The following PGAP3 variants were observed in gnomAD, a reference collection of about 807,000 sequenced individuals.
PGAP3 encodes the protein GPI-specific phospholipase A2-like PGAP3.
PGAP3 carries 31 observed loss-of-function variants against 40.3 expected under a neutral mutation model. The ratio of observed to expected loss-of-function variants is 0.77; its 90% CI spans 0.58 to 1.04. The LOEUF is 1.04. PGAP3 is among the 50% of genes least tolerant of loss of function. The probability of loss-of-function intolerance (pLI) is 0.00; values close to 1 mark genes in which losing one functional copy is unlikely to be tolerated. For missense variants in PGAP3, 413 were observed against 423.0 expected, an observed-to-expected ratio of 0.98 and a Z score of 0.21; for synonymous variants, 191 against 184.5, an observed-to-expected ratio of 1.04 and a Z score of -0.29.
intron 1 of PGAP3, among the ~76,000 whole-genome samples, chr17:39,687,189 TTAC>T (rs1409014129): frequency 3.9e-5 from 6 of 152,184 alleles, no homozygotes; most frequent in Non-Finnish European, 7.4e-5. Flanking sequence ...AAACTCCACT[TTAC>T]TACATACTGG....
Position 39,673,491 on chromosome 17 carries a change from GCCCAAGCCC to G in PGAP3, c.694+14_694+22del, listed in dbSNP as rs2057336125. ...CCCCAAGCTAGCACTTCTGCAGATGGCCCAAGCCCCCCAGGGCCTCACCAATAGCCACGT... is the reference window on the plus strand; with the variant it reads ...CCCCAAGCTAGCACTTCTGCAGATGGCCCAGGGCCTCACCAATAGCCACGT... On this transcript the variant is annotated intron_variant, in intron 6 of 7. Coordinates refer to ENST00000300658, the MANE Select transcript of PGAP3 (RefSeq NM_033419.5). 1 of 1,613,710 alleles carries G rather than the reference GCCCAAGCCC, an allele frequency of 6.2e-7. No individual in the cohort carries two copies. Among genetic ancestry groups the G allele is most frequent in the African/African-American group, 1.3e-5 (1 of 74,896 alleles).
chr17:39,683,619 G>C (rs551518795), intron 3 of PGAP3, among the ~76,000 whole-genome samples: 1 of 152,228 alleles, frequency 6.6e-6, no homozygotes, highest in African/African-American at 2.4e-5. Flanking sequence ...GGCTTACAGG[G>C]GCAGCTCCGA....
At position 39,679,450 on chromosome 17, in the gene PGAP3, T is replaced by C. The variant is rs113179840; in HGVS notation, c.433-4771A>G. Among the ~76,000 whole-genome samples, 1,274 of 152,280 alleles carry C rather than the reference T, an allele frequency of 8.4e-3. 9 individuals are homozygous for C. Among genetic ancestry groups the C allele is most frequent in the African/African-American group, 0.026 (1,083 of 41,552 alleles). On this transcript the variant is annotated intron_variant, in intron 3 of 7. Coordinates refer to ENST00000300658, the MANE Select transcript of PGAP3 (RefSeq NM_033419.5). ...AAAGACAAGGGGTGGGACCCTCCGATCTAAGAAGGCTCTAAGCTTCTTCAG... is the reference window on the plus strand; with the variant it reads ...AAAGACAAGGGGTGGGACCCTCCGACCTAAGAAGGCTCTAAGCTTCTTCAG...
intron 6 of PGAP3, 61 bp from the exon 7 acceptor site, chr17:39,673,316 C>T (rs1350825203): frequency 9.6e-6 from 15 of 1,559,134 alleles, no homozygotes; most frequent in South Asian, 2.3e-5. Flanking sequence ...CAAGGCCACC[C>T]CCAACTCCAT....
intron 3 of PGAP3, among the ~76,000 whole-genome samples, chr17:39,678,565 A>C (rs1272060991): frequency 6.6e-6 from 1 of 152,168 alleles, no homozygotes; most frequent in Non-Finnish European, 1.5e-5. Flanking sequence ...GGGTCTCCTC[A>C]TTTCCCAGAG....
Position 39,673,172 on chromosome 17 carries a change from C to A in PGAP3, c.778G>T (p.Val260Phe), listed in dbSNP as rs1200178154. Residue 260 changes from valine (V) to phenylalanine (F), a missense_variant, in exon 7 of 8, where the codon GTC becomes TTC. Coordinates refer to ENST00000300658, the MANE Select transcript of PGAP3 (RefSeq NM_033419.5). ...LPHVRKCVVV[V>F]LLLQGLSLLE... The stretch of plus-strand genomic sequence containing the variant: ...AGGGACAGCCCCTGCAGCAGCAAGA[C>A]CACCACCACGCACTTGCGCACGTGA... 6.3e-7 allele frequency: 1 copy of A among 1,587,206 alleles called. No individual in the cohort carries two copies. The highest frequency in any genetic ancestry group is 8.6e-7 in the Non-Finnish European group (1 of 1,167,366).
At chr17:39,673,363 C>T in intron 6 of PGAP3, 108 bp from the exon 7 acceptor site, 1 of 1,547,478 alleles carries the variant, frequency 6.5e-7, no homozygotes, top group Non-Finnish European at 8.8e-7. Context: ...GACTCTCCTC[C>T]CAGCCTCCTC....
At chr17:39,682,906 A>G (rs1254730791) in intron 3 of PGAP3, among the ~76,000 whole-genome samples, 49 of 151,908 alleles carry the variant, frequency 3.2e-4, no homozygotes, top group Non-Finnish European at 4.4e-5. Context: ...GTGAAACCCC[A>G]TCTCTACTAA....
chr17:39,673,408 C>T (rs2057335124), intron 6 of PGAP3, 106 bp downstream of exon 6: 15 of 1,569,114 alleles, frequency 9.6e-6, no homozygotes, highest in East Asian at 2.2e-5. Flanking sequence ...CATTCCTCTA[C>T]CCCAAGAGTC....
rs753145342 is a variant in PGAP3 at position 39,686,027 on chromosome 17, A to G, written c.182-8T>C. On this transcript the variant is annotated splice_region_variant and splice_polypyrimidine_tract_variant and intron_variant, in intron 1 of 7. Transcript: ENST00000300658. ...CGTCCCGACAGGTCCAGCCTGAAAC[A>G]GACAAATGTGGCCTGGTGAACTCCC... The G allele has an allele frequency of 1.4e-5, 23 of 1,610,608 alleles. No individual in the cohort carries two copies. The Admixed American group carries it at 3.8e-4, about 27-fold the overall frequency.
Position 39,687,562 on chromosome 17 carries a change from G to C in PGAP3, c.181+272C>G, listed in dbSNP as rs1204062015. Among the ~76,000 whole-genome samples, 3 of 152,190 alleles carry C rather than the reference G, an allele frequency of 2.0e-5. No individual in the cohort carries two copies. The East Asian group carries it at 5.8e-4, about 29-fold the overall frequency. On this transcript the variant is annotated intron_variant, in intron 1 of 7. Coordinates refer to ENST00000300658, the MANE Select transcript of PGAP3 (RefSeq NM_033419.5). ...CCCCGTGGGGACTGTGAGTCCCAAT[G>C]GGCGGGACCCTGGTCTGATTTCTGT...
intron 4 of PGAP3, 68 bp from the exon 5 acceptor site, chr17:39,674,122 G>A (rs1371208736): frequency 2.7e-6 from 4 of 1,508,370 alleles, no homozygotes; most frequent in African/African-American, 1.4e-5. Flanking sequence ...GGGGATGGGG[G>A]CATGGAGGAG....
In PGAP3 at chr17:39,673,536, G is replaced by T; in HGVS notation, c.672C>A (p.Asn224Lys). ...CACCAATAGCCACGTTGGCCACCAG[G>T]TTGTAGCCATAGTCGAAGCGGATGA... is the stretch of plus-strand genomic sequence containing the variant. ...LSLIRFDYGY[N>K]LVANVAIGLV... The change falls in exon 6 of 8, where the codon AAC becomes AAA. Residue 224 changes from asparagine (N) to lysine (K), a missense_variant. By Grantham distance (94) the Asn-to-Lys change is moderately conservative (BLOSUM62 0). Coordinates refer to ENST00000300658, the MANE Select transcript of PGAP3 (RefSeq NM_033419.5). 1.2e-6 allele frequency: 2 copies of T among 1,614,092 alleles called. No individual in the cohort carries two copies. The highest frequency in any genetic ancestry group is 1.7e-6 in the Non-Finnish European group (2 of 1,180,002).
At chr17:39,677,877 G>T (rs866011656) in intron 3 of PGAP3, among the ~76,000 whole-genome samples, 8 of 152,240 alleles carry the variant, frequency 5.3e-5, no homozygotes, top group African/African-American at 1.4e-4. Context: ...AGTGCTCGGG[G>T]CTGTCATTGA....
intron 3 of PGAP3, among the ~76,000 whole-genome samples, chr17:39,678,539 G>T (rs2057402609): frequency 6.6e-6 from 1 of 152,252 alleles, no homozygotes; most frequent in African/African-American, 2.4e-5. Flanking sequence ...GTTATCATGA[G>T]TCCTGCTGGA....
intron 3 of PGAP3, among the ~76,000 whole-genome samples, chr17:39,676,410 T>C (rs1182909860): frequency 6.6e-6 from 1 of 152,114 alleles, no homozygotes; most frequent in African/African-American, 2.4e-5. Context: ...GCTAAGTGGC[T>C]CAGAACACCG....
chr17:39,673,452 A>G, intron 6 of PGAP3, 62 bp downstream of exon 6: 1 of 1,605,874 alleles, frequency 6.2e-7, no homozygotes. Context: ...AATGGCACCA[A>G]CCTCCCACTC....
At chr17:39,680,132 C>T (rs548655368) in intron 3 of PGAP3, among the ~76,000 whole-genome samples, 1 of 152,326 alleles carries the variant, frequency 6.6e-6, no homozygotes, top group South Asian at 2.1e-4. Context: ...CCTGTCTCCA[C>T]CCCCAGCAAA....
chr17:39,673,416 G>A, intron 6 of PGAP3, 98 bp downstream of exon 6: 1 of 1,575,996 alleles, frequency 6.3e-7, no homozygotes, highest in Non-Finnish European at 8.7e-7. Context: ...TACCCCAAGA[G>A]TCTCTCTAGA....
Sources: allele counts gnomAD v4.1 joint callset (sites outside exome capture counted in the v4.1 genomes callset), GRCh38; gene constraint gnomAD v4.1.1; transcripts MANE v1.5; gene names NCBI Gene and HGNC (gene_info 2026-07-23, HGNC 2026-07-21).